Variants in RP2 observed in about 807,000 individuals in gnomAD.
RP2 encodes the protein RP2 activator of ARL3 GTPase, also known as protein XRP2.
Under a neutral mutation model 20.3 loss-of-function variants are expected in RP2, and 3 were observed. That is an observed-to-expected ratio of 0.15 (90% CI 0.07 to 0.38). The LOEUF (loss-of-function observed/expected upper bound fraction) is 0.38. Among genes scored for constraint, RP2 ranks in the 10% least tolerant of loss-of-function variants. RP2 has a pLI of 1.00. For synonymous variants in RP2, 75 were observed against 94.8 expected, an observed-to-expected ratio of 0.79 and a Z score of 1.22; for missense variants, 233 against 268.5, an observed-to-expected ratio of 0.87 and a Z score of 0.92.
chrX:46,867,664 C>T (rs1925200202), intron 3 of RP2, among the ~76,000 whole-genome samples: 1 of 110,034 alleles, frequency 9.1e-6, no homozygotes, highest in Non-Finnish European at 1.9e-5. Flanking sequence ...CCACTGTCCC[C>T]TTTTCCAGCC....
In RP2 at chrX:46,879,729, A is replaced by C. The variant is rs914557102; in HGVS notation, c.1013A>C (p.Asp338Ala). The C allele has an allele frequency of 1.2e-5, 14 of 1,198,527 alleles. No individual in the cohort carries two copies. The highest frequency in any genetic ancestry group is 1.8e-5 in the African/African-American group (1 of 56,629). ...AAGGAGACGGCATCTGGAGATGTAGACAGCTTCTACAACTTTGCTGATATA... is the reference window on the plus strand; with the variant it reads ...AAGGAGACGGCATCTGGAGATGTAGCCAGCTTCTACAACTTTGCTGATATA... Reference protein sequence around the residue: ...ESKETASGDVDSFYNFADIQM... With the variant: ...ESKETASGDVASFYNFADIQM... Residue 338 changes from aspartate (D) to alanine (A), a missense_variant, in exon 5 of 5, where the codon GAC becomes GCC. This residue lies in a region of RP2 where 118 missense variants were observed against 123.8 expected (regional missense o/e 0.95). Coordinates refer to ENST00000218340, the MANE Select transcript of RP2 (RefSeq NM_006915.3).
chrX:46,849,833 C>T (rs1183470910), intron 1 of RP2, among the ~76,000 whole-genome samples: 1 of 111,425 alleles, frequency 9.0e-6, no homozygotes, highest in Admixed American at 9.6e-5. Flanking sequence ...AAGCCCTACC[C>T]CCCTACACAT....
chrX:46,861,836 G>A (rs1363851396), intron 3 of RP2, among the ~76,000 whole-genome samples: 1 of 111,122 alleles, frequency 9.0e-6, no homozygotes, highest in African/African-American at 3.3e-5. Context: ...GCAAGACCTT[G>A]TCTCAAAAAA....
chrX:46,867,534 G>A (rs1159868290), intron 3 of RP2, among the ~76,000 whole-genome samples: 1 of 112,382 alleles, frequency 8.9e-6, no homozygotes, highest in Non-Finnish European at 1.9e-5. Flanking sequence ...ACATTTGTGT[G>A]TAAGTTTTTT....
chrX:46,872,717 T>C (rs1442232513), intron 3 of RP2, among the ~76,000 whole-genome samples: 1 of 111,475 alleles, frequency 9.0e-6, no homozygotes, highest in Non-Finnish European at 1.9e-5. Context: ...AACTGTCTGG[T>C]GTTTTTTTGT....
intron 2 of RP2, among the ~76,000 whole-genome samples, chrX:46,855,369 T>A (rs1811489342): frequency 9.0e-6 from 1 of 110,816 alleles, no homozygotes; most frequent in Admixed American, 9.7e-5. Flanking sequence ...AGCAGTAGGA[T>A]GTATTGATTA....
At chrX:46,861,606 A>G (rs1176121495) in intron 3 of RP2, among the ~76,000 whole-genome samples, 1 of 111,593 alleles carries the variant, frequency 9.0e-6, no homozygotes, top group Non-Finnish European at 1.9e-5. Flanking sequence ...GCATTTTGGG[A>G]GGGTGAAGTG....
At chrX:46,870,274 T>C (rs1925266964) in intron 3 of RP2, among the ~76,000 whole-genome samples, 1 of 107,395 alleles carries the variant, frequency 9.3e-6, no homozygotes, top group South Asian at 4.5e-4. Context: ...TGCCCAGCTA[T>C]TTTTTTTTTA....
At chrX:46,843,445 G>A (rs1361485211) in intron 1 of RP2, among the ~76,000 whole-genome samples, 4 of 111,992 alleles carry the variant, frequency 3.6e-5, no homozygotes, top group Admixed American at 1.9e-4. Flanking sequence ...AGAGTGAAAA[G>A]TATATGGGGC....
rs190131711 is a variant in RP2 at position 46,839,933 on chromosome X, G to A, written c.102+2731G>A. 2.7e-5 allele frequency among the ~76,000 whole-genome samples: 3 copies of A among 112,258 alleles called. No individual in the cohort carries two copies. In the East Asian group the frequency reaches 8.4e-4, roughly 31 times the overall value. ...AAATTTCCTTGCAGCTTAGAAAAGG[G>A]TGTTTACATTTTTCCTTAGGTTGTG... On this transcript the variant is annotated intron_variant, in intron 1 of 4. Transcript: ENST00000218340.
intron 3 of RP2, among the ~76,000 whole-genome samples, chrX:46,867,597 T>C (rs1487114904): frequency 8.9e-6 from 1 of 112,084 alleles, no homozygotes; most frequent in Non-Finnish European, 1.9e-5. Flanking sequence ...TTTTTAAGTA[T>C]ACAGTTCAGT....
intron 1 of RP2, 23 bp downstream of exon 1, chrX:46,837,225 C>G (rs1556313575): frequency 2.6e-6 from 3 of 1,151,309 alleles, no homozygotes; most frequent in African/African-American, 1.8e-5. Context: ...GTGTAGCCGC[C>G]GTCTCAGCCT....
rs1925463021 is a variant in RP2, at chrX:46,881,199, C to T, written c.*1430C>T. 9.0e-6 allele frequency: 1 copy of T among 111,339 alleles called. No homozygotes were observed. The highest frequency in any genetic ancestry group is 1.9e-5 in the Non-Finnish European group (1 of 53,053). The allele number at this position is 111,339 out of a possible 1,213,427, so 9.2% of individuals were successfully genotyped here. On this transcript the variant is annotated 3_prime_UTR_variant, in exon 5 of 5. Transcript: ENST00000218340. ...CAGAAATAATACATTAAAAGATTTT[C>T]ACTTTAAATTAATTAGTAATATTGA... is the stretch of plus-strand genomic sequence containing the variant.
chrX:46,854,970 G>A (rs1019206174), intron 2 of RP2, among the ~76,000 whole-genome samples: 8 of 110,647 alleles, frequency 7.2e-5, no homozygotes, highest in African/African-American at 2.6e-4. Context: ...GTTTCACCAC[G>A]TTGGCCAGGA....
At chrX:46,855,140 T>G (rs1924934605) in intron 2 of RP2, among the ~76,000 whole-genome samples, 1 of 111,025 alleles carries the variant, frequency 9.0e-6, no homozygotes, top group South Asian at 3.8e-4. Flanking sequence ...CGTTCCTTAT[T>G]TTCCTTTATT....
intron 1 of RP2, among the ~76,000 whole-genome samples, chrX:46,839,098 CT>C (rs200728812): frequency 0.015 from 1,725 of 111,890 alleles, 39 homozygotes; most frequent in African/African-American, 0.052. Context: ...ATATTTTGGA[CT>C]GTTGAAGAGA....
chrX:46,865,426 C>T (rs1344961336), intron 3 of RP2, among the ~76,000 whole-genome samples: 3 of 111,849 alleles, frequency 2.7e-5, no homozygotes, highest in African/African-American at 9.7e-5. Context: ...GAGGAAGTGC[C>T]CTTCTCATCA....
At chrX:46,855,776 A>G (rs1315483247) in intron 2 of RP2, among the ~76,000 whole-genome samples, 1 of 106,038 alleles carries the variant, frequency 9.4e-6, no homozygotes, top group Non-Finnish European at 1.9e-5. Flanking sequence ...CGGAAAACTC[A>G]TCAAGTCTCT....
rs1925060832 is a variant in RP2, at chrX:46,861,456, A to G, written c.883+1354A>G. Among the ~76,000 whole-genome samples the G allele has an allele frequency of 3.6e-5, 4 of 112,000 alleles. No individual in the cohort carries two copies. In the Admixed American group the frequency reaches 3.8e-4, roughly 11 times the overall value. On this transcript the variant is annotated intron_variant, in intron 3 of 4. Coordinates refer to ENST00000218340, the MANE Select transcript of RP2 (RefSeq NM_006915.3). Reference sequence around the variant, plus strand: ...CTTAAAAACAAGAGATGCCTATAGGAAGTATTCAAAGACTGATGAGTTCAT... The same window carrying G: ...CTTAAAAACAAGAGATGCCTATAGGGAGTATTCAAAGACTGATGAGTTCAT...
Sources: gnomAD v4.1 joint callset for allele counts (sites outside exome capture counted in the v4.1 genomes callset) on GRCh38, gnomAD v4.1.1 for gene constraint, gnomAD v4.1.1 regional missense constraint, MANE v1.5 for transcripts, NCBI Gene and HGNC (gene_info 2026-07-23, HGNC 2026-07-21) for gene names.